The following SSH1 variants were observed in gnomAD, a reference collection of about 807,000 sequenced individuals.
The protein encoded by SSH1 is slingshot protein phosphatase 1.
SSH1 carries 43 observed loss-of-function variants against 79.7 expected under a neutral mutation model. That is an observed-to-expected ratio of 0.54 (90% CI 0.42 to 0.70). SSH1 has a LOEUF of 0.70. Among genes scored for constraint, SSH1 ranks in the 30% least tolerant of loss-of-function variants. The pLI is 0.00. For missense variants in SSH1, 1,206 were observed against 1,358.8 expected (o/e 0.89, Z 1.77); for synonymous variants, 599 against 538.3 (o/e 1.11, Z -1.56).
chr12:108,792,895 T>C, intron 13 of SSH1, 66 bp from the exon 14 acceptor site: 1 of 1,600,164 alleles, frequency 6.2e-7, no homozygotes, highest in Non-Finnish European at 8.5e-7. Context: ...CTGGGAAGAG[T>C]ATGCGGTGAG....
Position 108,848,275 on chromosome 12 carries a change from G to A in SSH1, c.110+4363C>T, listed in dbSNP as rs572229782. On this transcript the variant is annotated intron_variant, in intron 2 of 14. Coordinates refer to ENST00000326495, the MANE Select transcript of SSH1 (RefSeq NM_018984.4). ...TTGAGAAAAAGAAGGCAGGTGGCTC[G>A]GAAGACCCGATCCATGTGACCCTGC... is the stretch of plus-strand genomic sequence containing the variant. Among the ~76,000 whole-genome samples, 12 of 152,248 alleles carry A rather than the reference G, an allele frequency of 7.9e-5. No homozygotes were observed. The South Asian group carries it at 1.9e-3, about 24-fold the overall frequency.
intron 2 of SSH1, among the ~76,000 whole-genome samples, chr12:108,826,551 G>A (rs1408994760): frequency 8.7e-6 from 1 of 115,168 alleles, no homozygotes; most frequent in East Asian, 3.1e-4. Context: ...TGGGGGGTGG[G>A]GTGGGAGGCC....
intron 2 of SSH1, among the ~76,000 whole-genome samples, chr12:108,835,001 G>A (rs572795151): frequency 4.6e-5 from 7 of 152,258 alleles, no homozygotes; most frequent in Admixed American, 3.3e-4. Context: ...ATCATGCCAC[G>A]TGCGAGTTAA....
At position 108,782,209 on chromosome 12, in the gene SSH1, A is replaced by G. The variant is rs1224976945; in HGVS notation, c.*5779T>C. 1 of 151,362 alleles carries G rather than the reference A, an allele frequency of 6.6e-6. No individual in the cohort carries two copies. Among genetic ancestry groups the G allele is most frequent in the Non-Finnish European group, 1.5e-5 (1 of 67,876 alleles). The allele number at this position is 151,362 out of a possible 1,614,324, so 9.4% of individuals were successfully genotyped here. On this transcript the variant is annotated 3_prime_UTR_variant, in exon 15 of 15. Transcript: ENST00000326495. ...CCTGAGTGTCCAAGGGAGAAGAGCC[A>G]CCAAAAGCTGCCTGGGGTGAAGTGG... is the stretch of plus-strand genomic sequence containing the variant.
intron 7 of SSH1, among the ~76,000 whole-genome samples, chr12:108,808,080 G>A (rs1432714178): frequency 6.6e-6 from 1 of 152,174 alleles, no homozygotes; most frequent in South Asian, 2.1e-4. Flanking sequence ...TGGGACCACA[G>A]GCGCCCACCA....
chr12:108,813,371 GATGGTGGTGTACACTC>G (rs2037715809), intron 5 of SSH1, among the ~76,000 whole-genome samples: 1 of 152,104 alleles, frequency 6.6e-6, no homozygotes, highest in African/African-American at 2.4e-5. Flanking sequence ...CTGATGTGTG[GATGGTGGTGTACACTC>G]ATGGCATTCA....
At chr12:108,817,531 T>C (rs11114062) in intron 4 of SSH1, among the ~76,000 whole-genome samples, 48,802 of 149,628 alleles carry the variant, frequency 0.33, 8,041 homozygotes, top group South Asian at 0.44. Flanking sequence ...GCTGAGATCA[T>C]GCCACCACAT....
chr12:108,797,497 C>G (rs1329258288), intron 13 of SSH1, among the ~76,000 whole-genome samples: 1 of 152,182 alleles, frequency 6.6e-6, no homozygotes, highest in Non-Finnish European at 1.5e-5. Context: ...TGAATAATGT[C>G]TTTTTACCAA....
intron 8 of SSH1, among the ~76,000 whole-genome samples, chr12:108,806,726 C>T (rs965547177): frequency 6.6e-6 from 1 of 152,210 alleles, no homozygotes; most frequent in African/African-American, 2.4e-5. Context: ...TGCTCGAACA[C>T]GTGTGGGCAT....
intron 14 of SSH1, among the ~76,000 whole-genome samples, chr12:108,790,442 G>A (rs2036455134): frequency 6.6e-6 from 1 of 151,888 alleles, no homozygotes; most frequent in Non-Finnish European, 1.5e-5. Context: ...GCGGCACCAT[G>A]CCCAGCTAAT....
intron 5 of SSH1, among the ~76,000 whole-genome samples, chr12:108,813,450 A>G (rs1162956236): frequency 6.6e-6 from 1 of 151,968 alleles, no homozygotes; most frequent in Non-Finnish European, 1.5e-5. Context: ...GTGGTGGCTC[A>G]TACCTGTAAT....
chr12:108,850,787 T>C (rs867366002), intron 2 of SSH1, among the ~76,000 whole-genome samples: 3 of 102,302 alleles, frequency 2.9e-5, no homozygotes, highest in African/African-American at 1.2e-4. Context: ...GAGGGAGGGA[T>C]CTGGGGAAGG....
rs1296095735 is a variant in SSH1 at position 108,799,219 on chromosome 12, T to G, written c.1149-19A>C. On this transcript the variant is annotated intron_variant, in intron 12 of 14. Transcript: ENST00000326495. ...GTTCCTCCTGCAGGGGTGGGAGCAG[T>G]TGGGGAGGAGAGATGGGGGAGAAGC... 6.2e-7 allele frequency: 1 copy of G among 1,601,594 alleles called. No individual in the cohort carries two copies. Among genetic ancestry groups the G allele is most frequent in the Non-Finnish European group, 8.5e-7 (1 of 1,171,950 alleles).
In SSH1 at chr12:108,801,052, G is replaced by A. The variant is rs539702395; in HGVS notation, c.1002-126C>T. ...TAACCAAGGGTCATATGTTCGTGGC[G>A]GGACTTTGGTTTTTCCTTAATAGCT... On this transcript the variant is annotated intron_variant, in intron 11 of 14. Transcript: ENST00000326495. 108 of 978,992 alleles carry A rather than the reference G, an allele frequency of 1.1e-4. 1 individual carries two copies. Among genetic ancestry groups the A allele is most frequent in the South Asian group, 1.5e-4 (10 of 64,836 alleles). 60.6% of individuals were successfully genotyped at this position (978,992 alleles called of 1,614,324 possible). A position where few individuals can be genotyped will look rare whatever the true frequency, so the allele number is the denominator to read the frequency against.
chr12:108,787,698 G>A lies in SSH1; in HGVS notation c.*290C>T, dbSNP rs2036322050. On this transcript the variant is annotated 3_prime_UTR_variant, in exon 15 of 15. Transcript: ENST00000326495. ...TGGATGTGTGCGCCTATGTGTGCAC[G>A]TTCTTCCTAAAACATGGTTCTTCTT... 8.6e-6 allele frequency: 4 copies of A among 467,274 alleles called. No homozygotes were observed. Among genetic ancestry groups the A allele is most frequent in the South Asian group, 6.3e-5 (3 of 47,370 alleles). 28.9% of individuals were successfully genotyped at this position (467,274 alleles called of 1,614,324 possible). A position where few individuals can be genotyped will look rare whatever the true frequency, so the allele number is the denominator to read the frequency against.
rs2036188480 is a variant in SSH1, at chr12:108,783,541, T to C, written c.*4447A>G. The C allele has an allele frequency of 6.6e-6, 1 of 152,224 alleles. No individual in the cohort carries two copies. Among genetic ancestry groups the C allele is most frequent in the African/African-American group, 2.4e-5 (1 of 41,452 alleles). 9.4% of individuals were successfully genotyped at this position (152,224 alleles called of 1,614,324 possible). On this transcript the variant is annotated 3_prime_UTR_variant, in exon 15 of 15. Transcript: ENST00000326495. ...CAGTGGAGGACTGGTGATCTGCTTA[T>C]CGGGACTCCTGTCTGAGACAGTGAC...
chr12:108,788,841 G>C lies in SSH1; in HGVS notation c.2297C>G (p.Pro766Arg). 6.2e-7 allele frequency: 1 copy of C among 1,614,214 alleles called. No homozygotes were observed. Among genetic ancestry groups the C allele is most frequent in the Non-Finnish European group, 8.5e-7 (1 of 1,180,042 alleles). ...LLKNSHCDKN[P>R]PSTEVVIKEE... ...CTTTATTACCACTTCTGTGCTGGGA[G>C]GGTTCTTATCACAGTGAGAATTCTT... Residue 766 changes from proline to arginine, a missense_variant, in exon 15 of 15, where the codon CCT (proline) becomes CGT (arginine). This residue lies in a region of SSH1 where 709 missense variants were observed against 730.6 expected (regional missense o/e 0.97). Coordinates refer to ENST00000326495, the MANE Select transcript of SSH1 (RefSeq NM_018984.4).
intron 2 of SSH1, among the ~76,000 whole-genome samples, chr12:108,845,619 G>A (rs1042912842): frequency 4.6e-5 from 7 of 152,138 alleles, no homozygotes; most frequent in South Asian, 2.1e-4. Context: ...CCCGGGAGGC[G>A]GAGGTTGCAG....
chr12:108,835,545 ACT>A (rs1320464379), intron 2 of SSH1, among the ~76,000 whole-genome samples: 1 of 152,312 alleles, frequency 6.6e-6, no homozygotes, highest in East Asian at 1.9e-4. Context: ...CAGGAGTGTA[ACT>A]CTGAAACCTC....
Sources: gnomAD v4.1 joint callset for allele counts (sites outside exome capture counted in the v4.1 genomes callset) on GRCh38, gnomAD v4.1.1 for gene constraint, gnomAD v4.1.1 regional missense constraint, MANE v1.5 for transcripts, NCBI Gene and HGNC (gene_info 2026-07-23, HGNC 2026-07-21) for gene names.